Variants in EPHA10 observed in about 807,000 individuals in gnomAD.
EPHA10 encodes EPH receptor A10, also known as ephrin type-A receptor 10.
In EPHA10, 120 loss-of-function variants were observed where a neutral mutation model predicts 109.7. That is an observed-to-expected ratio of 1.09 (90% CI 0.94 to 1.27). The LOEUF (loss-of-function observed/expected upper bound fraction) is 1.27, where lower values mean the gene tolerates loss of function less well. Ranked by LOEUF, EPHA10 falls within the 50% of genes most tolerant of loss-of-function variation. EPHA10 has a pLI of 0.00. For synonymous variants in EPHA10, 640 were observed against 618.9 expected, an observed-to-expected ratio of 1.03 and a Z score of -0.51; for missense variants, 1,396 against 1,411.1, an observed-to-expected ratio of 0.99 and a Z score of 0.17.
intron 5 of EPHA10, among the ~76,000 whole-genome samples, chr1:37,744,745 A>G (rs1392164225): frequency 7.1e-6 from 1 of 141,358 alleles, no homozygotes; most frequent in Non-Finnish European, 1.6e-5. Flanking sequence ...AGTGGGAGAA[A>G]ATATTCACAA....
rs12072642 is a variant in EPHA10 at position 37,747,564 on chromosome 1, A to C, written c.1357+5312T>G. On this transcript the variant is annotated intron_variant, in intron 5 of 16. Transcript: ENST00000373048. ...AGTGAAACTGTCTCAAAAAAAAAAA[A>C]AAAAAACTTCAGGAAAGCAGGAGAG... Among the ~76,000 whole-genome samples the C allele has an allele frequency of 5.7e-3, 869 of 151,642 alleles. 9 individuals carry two copies. Among genetic ancestry groups the C allele is most frequent in the African/African-American group, 0.02 (841 of 41,256 alleles).
intron 13 of EPHA10, 46 bp from the exon 14 acceptor site, chr1:37,720,104 G>A (rs370755745): frequency 3.8e-5 from 61 of 1,605,352 alleles, no homozygotes; most frequent in Middle Eastern, 2.0e-4. Flanking sequence ...TGGGTGACAC[G>A]CAGGTTTCCC....
Position 37,720,552 on chromosome 1 carries a change from C to A in EPHA10, c.2211G>T (p.Arg737=), listed in dbSNP as rs757972693. ...GCCCAGCCACCAGCTGCCCCTCGTG[C>A]CGCTGTGGAGGGAGAAGACTGAGGC... ...SHGALDGFLR[R]HEGQLVAGQL... is the part of the protein sequence containing the mutation. Residue 737 remains arginine (R), a splice_region_variant and synonymous_variant, in exon 13 of 17, where the codon CGG becomes CGT. Transcript: ENST00000373048. The A allele has an allele frequency of 1.9e-6, 3 of 1,608,680 alleles. No homozygotes were observed. In the East Asian group the frequency reaches 6.7e-5, roughly 36 times the overall value.
rs1646369622 is a variant in EPHA10 at position 37,754,027 on chromosome 1, G to A, written c.1006+188C>T. Among the ~76,000 whole-genome samples the A allele has an allele frequency of 6.6e-6, 1 of 152,080 alleles. No individual in the cohort carries two copies. Among genetic ancestry groups the A allele is most frequent in the South Asian group, 2.1e-4 (1 of 4,818 alleles). On this transcript the variant is annotated intron_variant, in intron 4 of 16. Coordinates refer to ENST00000373048, the MANE Select transcript of EPHA10 (RefSeq NM_001099439.2). This position sits in a 1 kb window ranked among gnomAD's most constrained non-coding sequence, Gnocchi z 4.5. ...GTTGTCCTGGTTCTTCTCATCAAAGGCCCCGGCCCCCAGGGCGCGTCCAGG... is the reference window on the plus strand; with the variant it reads ...GTTGTCCTGGTTCTTCTCATCAAAGACCCCGGCCCCCAGGGCGCGTCCAGG...
Position 37,764,151 on chromosome 1 carries a change from AG to A in EPHA10, c.106+809del, listed in dbSNP as rs2148372770. Among the ~76,000 whole-genome samples, 1 of 152,292 alleles carries A rather than the reference AG, an allele frequency of 6.6e-6. No individual in the cohort carries two copies. The highest frequency in any genetic ancestry group is 2.4e-5 in the African/African-American group (1 of 41,574). Reference sequence around the variant, plus strand: ...AACCAGGGGGTGGGCCACCAAGGTGAGGGCCTCTCCAGAGGCGTCAGCGACT... The same window carrying A: ...AACCAGGGGGTGGGCCACCAAGGTGAGGCCTCTCCAGAGGCGTCAGCGACT... On this transcript the variant is annotated intron_variant, in intron 1 of 16. Coordinates refer to ENST00000373048, the MANE Select transcript of EPHA10 (RefSeq NM_001099439.2). This position sits in a 1 kb window ranked among gnomAD's most constrained non-coding sequence, Gnocchi z 5.8.
intron 7 of EPHA10, 33 bp from the exon 8 acceptor site, chr1:37,727,243 G>C: frequency 6.4e-7 from 1 of 1,558,008 alleles, no homozygotes; most frequent in Non-Finnish European, 8.7e-7. Flanking sequence ...GAGGCAGGCA[G>C]AGGACCAGGC....
In EPHA10 at chr1:37,718,815, G is replaced by T; in HGVS notation, c.2758C>A (p.Pro920Thr). ...GCACGGTCCGCTAGTGGGGTGGGAG[G>T]CCTGCGGGTCAGAGGAGCTGTGCTC... ...PKCALTTCPR[P>T]PTPLADRAFS... The change falls in exon 16 of 17, where the codon CCT becomes ACT. Residue 920 changes from proline (P) to threonine (T), a missense_variant and splice_region_variant. Coordinates refer to ENST00000373048, the MANE Select transcript of EPHA10 (RefSeq NM_001099439.2). 6.2e-7 allele frequency: 1 copy of T among 1,609,498 alleles called. No homozygotes were observed. Among genetic ancestry groups the T allele is most frequent in the African/African-American group, 1.3e-5 (1 of 75,030 alleles).
chr1:37,718,660 C>T lies in EPHA10; in HGVS notation c.2912+1G>A, dbSNP rs778251681. The T allele has an allele frequency of 1.1e-5, 17 of 1,613,066 alleles. No homozygotes were observed. The Admixed American group carries it at 2.8e-4, about 27-fold the overall frequency. On this transcript the variant is annotated splice_donor_variant, in intron 16 of 16. Coordinates refer to ENST00000373048, the MANE Select transcript of EPHA10 (RefSeq NM_001099439.2). LOFTEE classifies it high-confidence loss of function. The stretch of plus-strand genomic sequence containing the variant: ...CCTTGACCTTGGTGCCTTGGACTCA[C>T]TGGGCAGTCATCTCGGCCACGGCCT...
Position 37,721,824 on chromosome 1 carries a change from C to G in EPHA10, c.1982G>C (p.Cys661Ser). ...LGGGRFGELC[C>S]GCLQLPGRQE... ...GCGACCGGGGAGCTGCAAGCAGCCA[C>G]AGCACAGCTCCCCAAACCGCCCTGT... The change falls in exon 11 of 17, where the codon TGT (cysteine) becomes TCT (serine). Residue 661 changes from cysteine (C) to serine (S), a missense_variant. Cys to Ser is a moderately radical substitution (Grantham distance 112). Transcript: ENST00000373048. The G allele has an allele frequency of 6.2e-7, 1 of 1,604,222 alleles. No individual in the cohort carries two copies. Among genetic ancestry groups the G allele is most frequent in the East Asian group, 2.2e-5 (1 of 44,634 alleles).
At chr1:37,752,714 G>A (rs2148364487) in intron 5 of EPHA10, among the ~76,000 whole-genome samples, 162 bp downstream of exon 5, 1 of 151,298 alleles carries the variant, frequency 6.6e-6, no homozygotes, top group South Asian at 2.1e-4. Context: ...GGGCGTCCGG[G>A]GGGGTGACTT....
intron 3 of EPHA10, among the ~76,000 whole-genome samples, chr1:37,757,129 A>G (rs1011639138): frequency 1.3e-5 from 2 of 152,188 alleles, no homozygotes; most frequent in East Asian, 3.8e-4. Flanking sequence ...ACCTGGCCCT[A>G]GCAGAGAATT....
rs969588663 is a variant in EPHA10, at chr1:37,716,028, A to G, written c.*2344T>C. 5.2e-6 allele frequency: 3 copies of G among 577,582 alleles called. No individual in the cohort carries two copies. The highest frequency in any genetic ancestry group is 3.7e-5 in the African/African-American group (2 of 54,756). The allele number at this position is 577,582 out of a possible 1,614,324, so 35.8% of individuals were successfully genotyped here. On this transcript the variant is annotated 3_prime_UTR_variant, in exon 17 of 17. Coordinates refer to ENST00000373048, the MANE Select transcript of EPHA10 (RefSeq NM_001099439.2). ...TAGAGAACCCAAGAAATATAAAAAC[A>G]TCTCCAGAAGGAACCCCCTCCGACT...
chr1:37,745,413 AC>A (rs1453280258), intron 5 of EPHA10, among the ~76,000 whole-genome samples: 2 of 152,190 alleles, frequency 1.3e-5, no homozygotes, highest in Non-Finnish European at 2.9e-5. Flanking sequence ...AGAAACTTGG[AC>A]CCTTGTACTT....
chr1:37,759,238 C>T (rs1646413114), intron 3 of EPHA10, among the ~76,000 whole-genome samples: 1 of 152,200 alleles, frequency 6.6e-6, no homozygotes, highest in Non-Finnish European at 1.5e-5. Flanking sequence ...TTTATCCCAA[C>T]ATTCAAGGCC....
intron 6 of EPHA10, among the ~76,000 whole-genome samples, chr1:37,732,389 C>A (rs1569677994): frequency 6.6e-6 from 1 of 152,142 alleles, no homozygotes; most frequent in Non-Finnish European, 1.5e-5. Flanking sequence ...ATGCTCCTCC[C>A]GTCGTTTCGT....
At position 37,754,393 on chromosome 1, in the gene EPHA10, A is replaced by G; in HGVS notation, c.851-23T>C. 7.8e-7 allele frequency: 1 copy of G among 1,286,212 alleles called. No individual in the cohort carries two copies. Among genetic ancestry groups the G allele is most frequent in the Non-Finnish European group, 9.9e-7 (1 of 1,012,434 alleles). The allele number at this position is 1,286,212 out of a possible 1,614,324, so 79.7% of individuals were successfully genotyped here. A position where few individuals can be genotyped will look rare whatever the true frequency, so the allele number is the denominator to read the frequency against. On this transcript the variant is annotated intron_variant, in intron 3 of 16. Coordinates refer to ENST00000373048, the MANE Select transcript of EPHA10 (RefSeq NM_001099439.2). This position sits in a 1 kb window ranked among gnomAD's most constrained non-coding sequence, Gnocchi z 4.5. ...AGGCTGCAGGGCATGGCTGGTGAGA[A>G]GAGGGGGCTCCTCCAGTTTCTCCCC...
At chr1:37,740,084 TAAATA>T (rs1329044591) in intron 5 of EPHA10, among the ~76,000 whole-genome samples, 3 of 151,804 alleles carry the variant, frequency 2.0e-5, no homozygotes, top group African/African-American at 7.2e-5. Flanking sequence ...TCAAAAAAAA[TAAATA>T]AATAAAAATA....
At chr1:37,738,211 A>G (rs1646100201) in intron 5 of EPHA10, among the ~76,000 whole-genome samples, 1 of 152,084 alleles carries the variant, frequency 6.6e-6, no homozygotes, top group African/African-American at 2.4e-5. Context: ...TACTAAAAAT[A>G]CAAAAGTTAG....
In EPHA10 at chr1:37,731,410, C is replaced by G. The variant is rs908821320; in HGVS notation, c.1663+1G>C. On this transcript the variant is annotated splice_donor_variant, in intron 7 of 16. Coordinates refer to ENST00000373048, the MANE Select transcript of EPHA10 (RefSeq NM_001099439.2). LOFTEE classifies it high-confidence loss of function. ...CCTGTCCACTCACACACACTACTTA[C>G]CCTCCCCCAGGGTCTGTACTTCAAT... 1.9e-6 allele frequency: 3 copies of G among 1,599,688 alleles called. No individual in the cohort carries two copies. Among genetic ancestry groups the G allele is most frequent in the Non-Finnish European group, 2.6e-6 (3 of 1,171,882 alleles).
Sources: allele counts gnomAD v4.1 joint callset (sites outside exome capture counted in the v4.1 genomes callset), GRCh38; gene constraint gnomAD v4.1.1; non-coding constraint Gnocchi (gnomAD v3.1); transcripts MANE v1.5; gene names NCBI Gene and HGNC (gene_info 2026-07-23, HGNC 2026-07-21).